GREB1L: variants seen among roughly 807,000 people sequenced by gnomAD.
GREB1L encodes GREB1 like retinoic acid receptor coactivator.
A neutral mutation model predicts 200.8 loss-of-function variants in GREB1L; 17 were observed. The ratio of observed to expected loss-of-function variants is 0.08; its 90% CI spans 0.06 to 0.13. The LOEUF is 0.13. Ranked by LOEUF, GREB1L falls within the 10% of genes least tolerant of loss-of-function variation. GREB1L has a pLI of 1.00. For synonymous variants in GREB1L, 789 were observed against 893.0 expected (o/e 0.88, Z 2.08); for missense variants, 1,657 against 2,367.7 (o/e 0.70, Z 6.23).
At chr18:21,384,078 C>T in intron 3 of GREB1L, 128 bp from the exon 4 acceptor site, 2 of 707,164 alleles carry the variant, frequency 2.8e-6, no homozygotes, top group Non-Finnish European at 2.4e-6. Context: ...ATCTTGGGAC[C>T]TCTGAGATAA....
At chr18:21,291,310 G>A (rs2038446782) in intron 1 of GREB1L, among the ~76,000 whole-genome samples, 1 of 152,132 alleles carries the variant, frequency 6.6e-6, no homozygotes, top group African/African-American at 2.4e-5. Flanking sequence ...TTTGCCTGAT[G>A]ACAGCCTGGC....
chr18:21,350,968 G>GT (rs1567947352), intron 1 of GREB1L, among the ~76,000 whole-genome samples: 1 of 152,006 alleles, frequency 6.6e-6, no homozygotes. Flanking sequence ...CTTCTTCTCT[G>GT]TTTTTTGGAG....
intron 2 of GREB1L, among the ~76,000 whole-genome samples, chr18:21,381,933 T>G (rs2040332224): frequency 6.6e-6 from 1 of 152,068 alleles, no homozygotes; most frequent in Non-Finnish European, 1.5e-5. Context: ...ACATTCAGGG[T>G]GATGGAGCAG....
intron 1 of GREB1L, among the ~76,000 whole-genome samples, chr18:21,264,272 G>GA (rs796467054): frequency 4.2e-3 from 568 of 136,430 alleles, no homozygotes; most frequent in African/African-American, 7.9e-3. Flanking sequence ...TCTGCATCCA[G>GA]AAAAAAAAAA....
Position 21,315,131 on chromosome 18 carries a change from C to T in GREB1L, c.-119-50896C>T, listed in dbSNP as rs1412274304. ...TGAAGATGAGGTCTTACTCTGTCAC[C>T]CAGGCTGGAGTGTAGTGGCATGGTT... On this transcript the variant is annotated intron_variant, in intron 1 of 32. Coordinates refer to ENST00000424526, the MANE Select transcript of GREB1L (RefSeq NM_001142966.3). Among the ~76,000 whole-genome samples, 7 of 151,798 alleles carry T rather than the reference C, an allele frequency of 4.6e-5. No homozygotes were observed. In the South Asian group the frequency reaches 1.3e-3, roughly 27 times the overall value.
intron 7 of GREB1L, among the ~76,000 whole-genome samples, chr18:21,407,427 A>G (rs768016969): frequency 5.3e-5 from 8 of 152,216 alleles, no homozygotes; most frequent in Non-Finnish European, 1.0e-4. Flanking sequence ...AGTTAAGTCT[A>G]TGAGTCATTT....
intron 1 of GREB1L, among the ~76,000 whole-genome samples, chr18:21,268,554 CACACACATAT>C (rs1374311674): frequency 1.2e-4 from 12 of 96,848 alleles, no homozygotes; most frequent in African/African-American, 2.3e-4. Context: ...CACACACACA[CACACACATAT>C]ATATATATAT....
intron 1 of GREB1L, chr18:21,317,602 C>T (rs1196788945): frequency 6.6e-6 from 1 of 151,038 alleles, no homozygotes; most frequent in African/African-American, 2.4e-5. Context: ...GACCCTTTCT[C>T]AATCAATTAA....
chr18:21,391,420 ACT>A (rs1287562132), intron 4 of GREB1L, among the ~76,000 whole-genome samples: 1 of 152,186 alleles, frequency 6.6e-6, no homozygotes. Flanking sequence ...GTGAAAGTAC[ACT>A]CTATGATGTT....
intron 7 of GREB1L, among the ~76,000 whole-genome samples, chr18:21,419,973 AG>A (rs1476717720): frequency 1.3e-5 from 2 of 152,364 alleles, no homozygotes; most frequent in African/African-American, 4.8e-5. Flanking sequence ...GACCTGGCTT[AG>A]GTAATGGTTT....
At chr18:21,410,734 T>TAA (rs113606744) in intron 7 of GREB1L, among the ~76,000 whole-genome samples, 33 of 144,026 alleles carry the variant, frequency 2.3e-4, no homozygotes, top group South Asian at 8.7e-4. Context: ...CACCATAGAG[T>TAA]AAAAAAAAAA....
chr18:21,396,250 G>A (rs1313300696), intron 5 of GREB1L, among the ~76,000 whole-genome samples: 2 of 151,858 alleles, frequency 1.3e-5, no homozygotes, highest in African/African-American at 4.8e-5. Flanking sequence ...TCACCATGTT[G>A]GCCAGGCTGG....
chr18:21,404,886 G>A (rs781676862), intron 7 of GREB1L, among the ~76,000 whole-genome samples: 1 of 152,204 alleles, frequency 6.6e-6, no homozygotes, highest in African/African-American at 2.4e-5. Context: ...CTTTGCCAGT[G>A]TTAATCACAA....
chr18:21,456,710 G>A (rs889259266), intron 15 of GREB1L, among the ~76,000 whole-genome samples: 2 of 152,120 alleles, frequency 1.3e-5, no homozygotes, highest in Non-Finnish European at 2.9e-5. Flanking sequence ...ATATCGACCT[G>A]TAGGTGATGA....
chr18:21,245,697 T>TTTTTG (rs548631647), intron 1 of GREB1L, among the ~76,000 whole-genome samples: 7,263 of 150,914 alleles, frequency 0.048, 254 homozygotes, highest in East Asian at 0.1. Flanking sequence ...GCCTATTCTT[T>TTTTTG]TTTTGTTTTG....
At chr18:21,326,235 A>T (rs1366614805) in intron 1 of GREB1L, among the ~76,000 whole-genome samples, 2 of 152,140 alleles carry the variant, frequency 1.3e-5, no homozygotes, top group Non-Finnish European at 1.5e-5. Flanking sequence ...GCGAGAAATT[A>T]CACACACACA....
At chr18:21,412,051 C>CAAA (rs962603456) in intron 7 of GREB1L, among the ~76,000 whole-genome samples, 471 of 30,472 alleles carry the variant, frequency 0.015, 35 homozygotes, top group African/African-American at 0.049. Flanking sequence ...GACTCCGTCT[C>CAAA]AAAAAAAAAA....
intron 7 of GREB1L, among the ~76,000 whole-genome samples, chr18:21,409,398 G>A (rs1161551680): frequency 6.6e-6 from 1 of 152,162 alleles, no homozygotes; most frequent in Admixed American, 6.6e-5. Context: ...AACAGAAAAT[G>A]GGGTGTGAGC....
At position 21,522,884 on chromosome 18, in the gene GREB1L, G is replaced by A. The variant is rs949073815; in HGVS notation, c.*63G>A. On this transcript the variant is annotated 3_prime_UTR_variant, in exon 33 of 33. Coordinates refer to ENST00000424526, the MANE Select transcript of GREB1L (RefSeq NM_001142966.3). ...GTGGGATGGGACAGAAACAATTTGG[G>A]ATTTTTCTTTTTCCTTTAAAGTACA... is the stretch of plus-strand genomic sequence containing the variant. The A allele has an allele frequency of 1.4e-6, 2 of 1,416,212 alleles. No homozygotes were observed. Among genetic ancestry groups the A allele is most frequent in the South Asian group, 1.5e-5 (1 of 68,192 alleles). 87.7% of individuals were successfully genotyped at this position (1,416,212 alleles called of 1,614,324 possible).
Sources: gnomAD v4.1 joint callset for allele counts (sites outside exome capture counted in the v4.1 genomes callset) on GRCh38, gnomAD v4.1.1 for gene constraint, MANE v1.5 for transcripts, NCBI Gene and HGNC (gene_info 2026-07-23, HGNC 2026-07-21) for gene names.